Variants in ARHGAP21 observed in about 807,000 individuals in gnomAD.
ARHGAP21 encodes rho GTPase-activating protein 21.
Under a neutral mutation model 164.6 loss-of-function variants are expected in ARHGAP21, and 38 were observed. The observed-to-expected ratio is 0.23, with a 90% CI of 0.18 to 0.30. The LOEUF is 0.30. Ranked by LOEUF, ARHGAP21 falls within the 10% of genes least tolerant of loss-of-function variation. The pLI is 1.00. For missense variants in ARHGAP21, 1,822 were observed against 2,370.7 expected (o/e 0.77, Z 4.81); for synonymous variants, 766 against 857.9 (o/e 0.89, Z 1.87).
chr10:24,666,469 T>A (rs911042781), intron 4 of ARHGAP21, among the ~76,000 whole-genome samples: 3 of 152,252 alleles, frequency 2.0e-5, no homozygotes, highest in Admixed American at 6.5e-5. Flanking sequence ...TTGTTGAGTG[T>A]GAATTTTAAC....
chr10:24,702,127 C>CTTTTTTTTTTTTTT (rs71798625), intron 2 of ARHGAP21, among the ~76,000 whole-genome samples: 1 of 104,630 alleles, frequency 9.6e-6, no homozygotes, highest in South Asian at 3.3e-4. Flanking sequence ...ACTTCCGGTT[C>CTTTTTTTTTTTTTT]TTTTTTTTTT....
chr10:24,675,619 A>T (rs973895407), intron 2 of ARHGAP21, among the ~76,000 whole-genome samples: 2 of 152,158 alleles, frequency 1.3e-5, no homozygotes, highest in African/African-American at 4.8e-5. Flanking sequence ...CAGCAATAGG[A>T]TGCTTATCAT....
intron 25 of ARHGAP21, among the ~76,000 whole-genome samples, chr10:24,588,494 T>C (rs1182723968): frequency 2.0e-5 from 3 of 151,096 alleles, no homozygotes; most frequent in African/African-American, 7.3e-5. Context: ...AATAGAGACA[T>C]GATAAAGCAT....
chr10:24,656,148 G>A lies in ARHGAP21; in HGVS notation c.268+10837C>T, dbSNP rs530009526. Among the ~76,000 whole-genome samples the A allele has an allele frequency of 2.6e-4, 35 of 132,742 alleles. No homozygotes were observed. In the South Asian group the frequency reaches 5.2e-3, roughly 20 times the overall value. The allele number at this position is 132,742 out of a possible 152,430, so 87.1% of individuals were successfully genotyped here. A position where few individuals can be genotyped will look rare whatever the true frequency, so the allele number is the denominator to read the frequency against. ...AGTGTCTCCGCCCGGCAGCCACCCC[G>A]TCCGGGAGGGAGGTGGGGGGGGTCA... On this transcript the variant is annotated intron_variant, in intron 4 of 25. Coordinates refer to ENST00000396432, the MANE Select transcript of ARHGAP21 (RefSeq NM_020824.4).
chr10:24,673,753 T>A (rs906229325), intron 2 of ARHGAP21, among the ~76,000 whole-genome samples: 1 of 152,052 alleles, frequency 6.6e-6, no homozygotes, highest in African/African-American at 2.4e-5. Context: ...TCCCCACTAC[T>A]TGAGAGGCTA....
chr10:24,616,727 AG>A (rs1288484022), intron 9 of ARHGAP21, among the ~76,000 whole-genome samples: 1 of 152,210 alleles, frequency 6.6e-6, no homozygotes. Context: ...AGAGAAGTGT[AG>A]GAAGTCAGGA....
intron 25 of ARHGAP21, among the ~76,000 whole-genome samples, chr10:24,588,424 T>TAGGGTAAAGGATTTGGGTGC (rs1592916658): frequency 2.6e-5 from 4 of 152,108 alleles, no homozygotes; most frequent in Admixed American, 6.6e-5. Flanking sequence ...TTAGCAGCTT[T>TAGGGTAAAGGATTTGGGTGC]TCTGTAGGTT....
chr10:24,700,996 A>T (rs1034584308), intron 2 of ARHGAP21, among the ~76,000 whole-genome samples: 1 of 152,188 alleles, frequency 6.6e-6, no homozygotes. Context: ...AAGGTACCTT[A>T]AGTGTCAAAA....
intron 2 of ARHGAP21, among the ~76,000 whole-genome samples, chr10:24,716,435 G>C (rs974966665): frequency 6.6e-6 from 1 of 152,230 alleles, no homozygotes; most frequent in African/African-American, 2.4e-5. Context: ...ACTGGGGGAA[G>C]TGTTCTAAGG....
intron 4 of ARHGAP21, among the ~76,000 whole-genome samples, chr10:24,651,041 A>G (rs2131547558): frequency 6.6e-6 from 1 of 152,288 alleles, no homozygotes; most frequent in Non-Finnish European, 1.5e-5. Flanking sequence ...TGGGGTCCCC[A>G]AAAGAATACA....
chr10:24,676,156 A>T (rs185869383), intron 2 of ARHGAP21, among the ~76,000 whole-genome samples: 1 of 152,246 alleles, frequency 6.6e-6, no homozygotes, highest in Admixed American at 6.5e-5. Context: ...TCAGGGGGAA[A>T]AAACAAAAAA....
At chr10:24,626,959 T>G (rs954065975) in intron 7 of ARHGAP21, among the ~76,000 whole-genome samples, 2 of 152,206 alleles carry the variant, frequency 1.3e-5, no homozygotes, top group Admixed American at 6.5e-5. Flanking sequence ...AAATGAATTA[T>G]TCTTAATTTT....
At chr10:24,586,713 T>C (rs1450058096) in intron 25 of ARHGAP21, among the ~76,000 whole-genome samples, 1 of 152,206 alleles carries the variant, frequency 6.6e-6, no homozygotes, top group Non-Finnish European at 1.5e-5. Flanking sequence ...ATCAGGTTGG[T>C]AATGTCTTCA....
chr10:24,691,604 G>T (rs1356898546), intron 2 of ARHGAP21, among the ~76,000 whole-genome samples: 1 of 152,138 alleles, frequency 6.6e-6, no homozygotes, highest in Non-Finnish European at 1.5e-5. Context: ...CTGGAGGAAG[G>T]CCTTTTAGAA....
At chr10:24,608,862 T>C (rs999965617) in intron 9 of ARHGAP21, among the ~76,000 whole-genome samples, 1 of 151,860 alleles carries the variant, frequency 6.6e-6, no homozygotes, top group Non-Finnish European at 1.5e-5. Flanking sequence ...TACGACAGTT[T>C]ACTATTATGT....
chr10:24,599,033 T>C lies in ARHGAP21; in HGVS notation c.3133-1024A>G, dbSNP rs145724399. ...CATATGGTATGTGCTCAGTGAATTA[T>C]TGTTTTCTCATCTATAAAACTGGGG... On this transcript the variant is annotated intron_variant, in intron 14 of 25. Coordinates refer to ENST00000396432, the MANE Select transcript of ARHGAP21 (RefSeq NM_020824.4). Among the ~76,000 whole-genome samples the C allele has an allele frequency of 1.6e-3, 238 of 152,376 alleles. 5 individuals carry two copies. The East Asian group carries it at 0.038, about 24-fold the overall frequency.
chr10:24,689,888 A>ATATG (rs1381255835), intron 2 of ARHGAP21, among the ~76,000 whole-genome samples: 1 of 143,206 alleles, frequency 7.0e-6, no homozygotes, highest in South Asian at 2.2e-4. Context: ...GTATATATGT[A>ATATG]TATGTATGTG....
intron 9 of ARHGAP21, among the ~76,000 whole-genome samples, chr10:24,613,321 A>T (rs1593024742): frequency 6.6e-6 from 1 of 152,318 alleles, no homozygotes; most frequent in East Asian, 1.9e-4. Context: ...ACTAATTATA[A>T]ATAAAAATTT....
Position 24,670,388 on chromosome 10 carries a change from T to C in ARHGAP21, c.73A>G (p.Asn25Asp), listed in dbSNP as rs200560789. ...TCACTTTGTTCTTTTCCATCTTTAT[T>C]TTTTGAGACCTAAAGTGAAAAGATA... Reference protein sequence around the residue: ...DKLKACEVSKNKDGKEQSETV... With the variant: ...DKLKACEVSKDKDGKEQSETV... The change falls in exon 3 of 26, where the codon AAT (asparagine) becomes GAT (aspartate). Residue 25 changes from asparagine (N) to aspartate (D), a missense_variant. By Grantham distance (23) the Asn-to-Asp change is conservative. This residue lies in a region of ARHGAP21 where 1,090 missense variants were observed against 1,378.9 expected (regional missense o/e 0.79). Coordinates refer to ENST00000396432, the MANE Select transcript of ARHGAP21 (RefSeq NM_020824.4). The C allele has an allele frequency of 5.0e-4, 803 of 1,591,794 alleles. 9 individuals are homozygous for C. In the East Asian group the frequency reaches 0.016, roughly 32 times the overall value.
Sources: allele counts gnomAD v4.1 joint callset (sites outside exome capture counted in the v4.1 genomes callset), GRCh38; gene constraint gnomAD v4.1.1; regional missense constraint gnomAD v4.1.1; transcripts MANE v1.5; gene names NCBI Gene and HGNC (gene_info 2026-07-23, HGNC 2026-07-21).